SGCZ: variants seen among roughly 807,000 people sequenced by gnomAD.
SGCZ encodes zeta-sarcoglycan.
SGCZ carries 40 observed loss-of-function variants against 41.3 expected under a neutral mutation model. The observed-to-expected ratio is 0.97, with a 90% confidence interval of 0.75 to 1.26. SGCZ has a LOEUF of 1.26. SGCZ is among the 50% of genes most tolerant of loss of function. The pLI, the probability that SGCZ is intolerant of heterozygous loss-of-function variation, is 0.00. For missense variants in SGCZ, 552 were observed against 369.8 expected (o/e 1.49, Z -4.04); for synonymous variants, 206 against 137.5 (o/e 1.50, Z -3.49).
intron 1 of SGCZ, among the ~76,000 whole-genome samples, chr8:14,858,196 G>A (rs554207562): frequency 1.3e-5 from 2 of 151,582 alleles, no homozygotes; most frequent in East Asian, 1.9e-4. Context: ...GTGTATATAT[G>A]TATACACATA....
chr8:15,025,418 A>T, intron 1 of SGCZ, among the ~76,000 whole-genome samples: 1 of 152,230 alleles, frequency 6.6e-6, no homozygotes. Context: ...AAGGGCAGGA[A>T]AAACTGAAAA....
chr8:14,491,065 C>A (rs919872768), intron 2 of SGCZ, among the ~76,000 whole-genome samples: 29 of 152,274 alleles, frequency 1.9e-4, no homozygotes, highest in Middle Eastern at 3.4e-3. Context: ...TTTTACTTGG[C>A]CTTGAATACT....
chr8:14,336,247 C>G (rs753976070), intron 2 of SGCZ, among the ~76,000 whole-genome samples: 12 of 152,120 alleles, frequency 7.9e-5, no homozygotes, highest in African/African-American at 2.9e-4. Context: ...GACATGATAT[C>G]ATTCTTATTT....
chr8:14,472,757 T>C (rs551846419), intron 2 of SGCZ, among the ~76,000 whole-genome samples: 1 of 152,128 alleles, frequency 6.6e-6, no homozygotes, highest in African/African-American at 2.4e-5. Context: ...CTATACAAAT[T>C]TGTTTGTGTA....
chr8:14,405,262 G>T (rs1004896514), intron 2 of SGCZ, among the ~76,000 whole-genome samples: 1 of 152,184 alleles, frequency 6.6e-6, no homozygotes, highest in Admixed American at 6.5e-5. Context: ...CAAATAAAAT[G>T]TAGTTTAATG....
intron 1 of SGCZ, among the ~76,000 whole-genome samples, chr8:14,793,290 C>T (rs1380343876): frequency 1.3e-5 from 2 of 152,162 alleles, no homozygotes; most frequent in South Asian, 2.1e-4. Context: ...AACAGATGTC[C>T]CTGCTTCCAT....
chr8:15,085,341 C>A (rs1805908876), intron 1 of SGCZ, among the ~76,000 whole-genome samples: 1 of 152,092 alleles, frequency 6.6e-6, no homozygotes, highest in South Asian at 2.1e-4. Context: ...CAGAAAGGGG[C>A]AATGATCAGT....
intron 2 of SGCZ, among the ~76,000 whole-genome samples, chr8:14,512,861 A>G (rs1400475277): frequency 6.6e-6 from 1 of 152,070 alleles, no homozygotes; most frequent in African/African-American, 2.4e-5. Flanking sequence ...TTCATTGAAG[A>G]TAAGTCTTCT....
intron 1 of SGCZ, among the ~76,000 whole-genome samples, chr8:15,215,959 C>G (rs1207842568): frequency 1.3e-5 from 2 of 152,122 alleles, no homozygotes; most frequent in Non-Finnish European, 2.9e-5. Context: ...ATTGGAAGTA[C>G]ATCCTTGTTG....
At chr8:14,465,715 T>C (rs997485344) in intron 2 of SGCZ, among the ~76,000 whole-genome samples, 2 of 151,826 alleles carry the variant, frequency 1.3e-5, no homozygotes, top group Non-Finnish European at 3.0e-5. Context: ...CTTAAAGTTA[T>C]AGCACTTTAA....
intron 6 of SGCZ, among the ~76,000 whole-genome samples, chr8:14,107,665 G>A (rs1362843937): frequency 6.6e-6 from 1 of 151,906 alleles, no homozygotes; most frequent in Non-Finnish European, 1.5e-5. Context: ...TACAGATGGG[G>A]TCTTGCTGTG....
intron 3 of SGCZ, among the ~76,000 whole-genome samples, chr8:14,293,397 G>A (rs1800906183): frequency 6.6e-6 from 1 of 151,890 alleles, no homozygotes. Context: ...AGAAATCTTT[G>A]GAAATAATGA....
chr8:14,513,466 T>A (rs1386654433), intron 2 of SGCZ, among the ~76,000 whole-genome samples: 1 of 102,180 alleles, frequency 9.8e-6, no homozygotes, highest in Non-Finnish European at 2.1e-5. Context: ...TAAATTTTTA[T>A]ACTTCAGGTT....
chr8:14,681,314 C>CTTT, intron 1 of SGCZ, among the ~76,000 whole-genome samples: 1 of 152,076 alleles, frequency 6.6e-6, no homozygotes, highest in Admixed American at 6.6e-5. Context: ...AGCCACAAGA[C>CTTT]AATGAAGTGC....
intron 4 of SGCZ, among the ~76,000 whole-genome samples, chr8:14,192,914 A>G (rs1457270985): frequency 6.6e-6 from 1 of 152,010 alleles, no homozygotes; most frequent in Non-Finnish European, 1.5e-5. Context: ...TATGTTTATG[A>G]TTGGTGTACA....
intron 3 of SGCZ, among the ~76,000 whole-genome samples, chr8:14,296,533 T>A (rs768794735): frequency 6.6e-6 from 1 of 152,164 alleles, no homozygotes; most frequent in Non-Finnish European, 1.5e-5. Context: ...AATTTGTGGG[T>A]TTAATCAACA....
At chr8:14,121,812 T>G (rs921820279) in intron 5 of SGCZ, among the ~76,000 whole-genome samples, 5 of 152,238 alleles carry the variant, frequency 3.3e-5, no homozygotes, top group Non-Finnish European at 7.4e-5. Flanking sequence ...TTTTGAAATC[T>G]TAATTTTCTG....
intron 1 of SGCZ, among the ~76,000 whole-genome samples, chr8:15,149,711 C>CAAAAAAAAAAAAAAAAAAAAAAAA (rs750167614): frequency 1.7e-5 from 1 of 57,262 alleles, no homozygotes. Context: ...CTATAAACTA[C>CAAAAAAAAAAAAAAAAAAAAAAAA]AAAAAAAAAA....
chr8:14,750,866 C>G (rs560982569), intron 1 of SGCZ, among the ~76,000 whole-genome samples: 1 of 152,252 alleles, frequency 6.6e-6, no homozygotes, highest in South Asian at 2.1e-4. Flanking sequence ...ACTGAATTCT[C>G]CTTTTATCTT....
Sources: gnomAD v4.1 joint callset for allele counts (sites outside exome capture counted in the v4.1 genomes callset) on GRCh38, gnomAD v4.1.1 for gene constraint, MANE v1.5 for transcripts, NCBI Gene and HGNC (gene_info 2026-07-23, HGNC 2026-07-21) for gene names.